The following VAC14 variants were observed in gnomAD, a reference collection of about 807,000 sequenced individuals.
VAC14 encodes the protein protein VAC14 homolog.
VAC14 carries 47 observed loss-of-function variants against 85.3 expected under a neutral mutation model. The ratio of observed to expected loss-of-function variants is 0.55; its 90% CI spans 0.44 to 0.70. VAC14 has a LOEUF of 0.70. Ranked by LOEUF, VAC14 falls within the 30% of genes least tolerant of loss-of-function variation. VAC14 has a pLI of 0.00. For missense variants in VAC14, 861 were observed against 1,004.3 expected (o/e 0.86, Z 1.93); for synonymous variants, 447 against 430.5 (o/e 1.04, Z -0.47).
intron 13 of VAC14, among the ~76,000 whole-genome samples, chr16:70,736,368 G>A (rs1471460444): frequency 6.6e-6 from 1 of 152,208 alleles, no homozygotes; most frequent in Non-Finnish European, 1.5e-5. Flanking sequence ...CTGAGTCTCA[G>A]AATGGATGTC....
At chr16:70,733,967 C>T (rs553084684) in intron 13 of VAC14, among the ~76,000 whole-genome samples, 2 of 152,108 alleles carry the variant, frequency 1.3e-5, no homozygotes, top group Non-Finnish European at 2.9e-5. Flanking sequence ...GGACTACAGG[C>T]GTGTGCCACC....
chr16:70,712,404 G>A (rs1209037336), intron 14 of VAC14, among the ~76,000 whole-genome samples: 2 of 152,138 alleles, frequency 1.3e-5, no homozygotes, highest in East Asian at 1.9e-4. Flanking sequence ...GGTAACCACC[G>A]ACAGAGAAAG....
At chr16:70,790,615 G>A (rs961431546) in intron 1 of VAC14, among the ~76,000 whole-genome samples, 1 of 150,900 alleles carries the variant, frequency 6.6e-6, no homozygotes, top group African/African-American at 2.5e-5. Flanking sequence ...GCCTGCAAAA[G>A]TAACAGGGCC....
intron 9 of VAC14, 175 bp from the exon 10 acceptor site, chr16:70,772,347 G>C: frequency 1.7e-6 from 1 of 586,662 alleles, no homozygotes; most frequent in Admixed American, 3.0e-5. Context: ...AGTCATTCTC[G>C]ATAGTCCCCA....
At chr16:70,714,327 A>T (rs562453730) in intron 14 of VAC14, 1 of 152,258 alleles carries the variant, frequency 6.6e-6, no homozygotes, top group African/African-American at 2.4e-5. Flanking sequence ...GGAAATATTC[A>T]CAGACGGGGC....
chr16:70,737,831 C>T (rs753104403), intron 13 of VAC14, among the ~76,000 whole-genome samples: 11 of 152,348 alleles, frequency 7.2e-5, no homozygotes, highest in African/African-American at 1.4e-4. Context: ...CAGTACATAA[C>T]GCGAGTTACA....
At chr16:70,710,774 AG>A (rs2054016802) in intron 14 of VAC14, among the ~76,000 whole-genome samples, 1 of 152,252 alleles carries the variant, frequency 6.6e-6, no homozygotes, top group Admixed American at 6.5e-5. Flanking sequence ...TGGGTCCAGC[AG>A]CCCCAGTGTT....
chr16:70,746,246 C>T (rs7499478), intron 12 of VAC14, among the ~76,000 whole-genome samples: 1 of 152,256 alleles, frequency 6.6e-6, no homozygotes. Flanking sequence ...AACAGTGTCA[C>T]GTGTTGGCAC....
intron 13 of VAC14, among the ~76,000 whole-genome samples, chr16:70,736,291 G>A (rs1026986904): frequency 2.6e-5 from 4 of 152,188 alleles, no homozygotes; most frequent in South Asian, 2.1e-4. Context: ...CTCAGTACAC[G>A]GGGGCTCCTT....
intron 14 of VAC14, among the ~76,000 whole-genome samples, chr16:70,711,482 C>T (rs2054033614): frequency 6.6e-6 from 1 of 152,024 alleles, no homozygotes; most frequent in African/African-American, 2.4e-5. Context: ...TGTTTCCCTG[C>T]TGGTCTCTAC....
At chr16:70,697,016 G>T in intron 16 of VAC14, 123 bp downstream of exon 16, 1 of 743,628 alleles carries the variant, frequency 1.3e-6, no homozygotes, top group South Asian at 1.6e-5. Context: ...AAGCCCTGAG[G>T]CTGAGTGGAG....
chr16:70,748,458 A>G (rs754423054), intron 12 of VAC14, among the ~76,000 whole-genome samples: 1 of 152,208 alleles, frequency 6.6e-6, no homozygotes, highest in Non-Finnish European at 1.5e-5. Context: ...TGAGTTGGCC[A>G]AGGGAGTAAG....
intron 18 of VAC14, chr16:70,690,899 G>T (rs943703289): frequency 3.0e-6 from 3 of 985,364 alleles, no homozygotes; most frequent in Admixed American, 6.1e-5. Context: ...AGGCTAGGGG[G>T]TGTCTCACAC....
intron 18 of VAC14, 119 bp downstream of exon 18, chr16:70,692,702 G>C (rs1335381514): frequency 8.7e-6 from 12 of 1,372,774 alleles, no homozygotes; most frequent in Non-Finnish European, 1.1e-5. Context: ...TGACAAAAGG[G>C]GTGGGATGCT....
intron 14 of VAC14, among the ~76,000 whole-genome samples, chr16:70,708,558 T>G (rs1490901317): frequency 6.6e-6 from 1 of 152,204 alleles, no homozygotes; most frequent in Non-Finnish European, 1.5e-5. Flanking sequence ...GGTGTTTGAC[T>G]CACAATGAGG....
chr16:70,705,061 T>G (rs1219598909), intron 14 of VAC14, among the ~76,000 whole-genome samples: 1 of 152,216 alleles, frequency 6.6e-6, no homozygotes, highest in Non-Finnish European at 1.5e-5. Flanking sequence ...GGGATACTTG[T>G]GCCGGCTCCC....
At position 70,800,826 on chromosome 16, in the gene VAC14, C is replaced by T. The variant is rs753994386; in HGVS notation, c.75G>A (p.Lys25=). 5.6e-6 allele frequency: 9 copies of T among 1,609,928 alleles called. No individual in the cohort carries two copies. Among genetic ancestry groups the T allele is most frequent in the East Asian group, 2.3e-5 (1 of 44,090 alleles). Residue 25 remains lysine (K), a synonymous_variant, in exon 1 of 19, where the codon AAG becomes AAA. Coordinates refer to ENST00000261776, the MANE Select transcript of VAC14 (RefSeq NM_018052.5). The part of the protein sequence containing the change: ...VRALNDKLYE[K]RKVAALEIEK... ...CGATCTCCAGCGCTGCCACCTTCCG[C>T]TTTTCGTACAGCTTGTCATTGAGGG... is the stretch of plus-strand genomic sequence containing the variant.
chr16:70,713,207 T>C (rs1454141258), intron 14 of VAC14, among the ~76,000 whole-genome samples: 1 of 152,120 alleles, frequency 6.6e-6, no homozygotes, highest in Non-Finnish European at 1.5e-5. Flanking sequence ...GGGGAGGCTT[T>C]CTCCTAAAAT....
At chr16:70,693,591 T>C (rs1388514797) in intron 17 of VAC14, among the ~76,000 whole-genome samples, 4 of 152,158 alleles carry the variant, frequency 2.6e-5, no homozygotes, top group Non-Finnish European at 5.9e-5. Flanking sequence ...GGGAAAGAGA[T>C]GCACCCGGGG....
Sources: allele counts gnomAD v4.1 joint callset (sites outside exome capture counted in the v4.1 genomes callset), GRCh38; gene constraint gnomAD v4.1.1; transcripts MANE v1.5; gene names NCBI Gene and HGNC (gene_info 2026-07-23, HGNC 2026-07-21).